The following UNC79 variants were observed in gnomAD, a reference collection of about 807,000 sequenced individuals.
UNC79 encodes the protein unc-79 subunit of NALCN channel complex.
UNC79 carries 37 observed loss-of-function variants against 283.1 expected under a neutral mutation model. The observed-to-expected ratio is 0.13, with a 90% CI of 0.10 to 0.17. The LOEUF (loss-of-function observed/expected upper bound fraction) is 0.17. Ranked by LOEUF, UNC79 falls within the 10% of genes least tolerant of loss-of-function variation. The pLI, the probability that UNC79 is intolerant of heterozygous loss-of-function variation, is 1.00. For missense variants in UNC79, 2,272 were observed against 3,211.1 expected, an observed-to-expected ratio of 0.71 and a Z score of 7.07; for synonymous variants, 1,107 against 1,200.2, an observed-to-expected ratio of 0.92 and a Z score of 1.61.
rs1267945208 is a variant in UNC79 at position 93,688,836 on chromosome 14, C to G, written c.7081C>G (p.Gln2361Glu). 5 of 1,613,544 alleles carry G rather than the reference C, an allele frequency of 3.1e-6. No homozygotes were observed. Among genetic ancestry groups the G allele is most frequent in the Non-Finnish European group, 4.2e-6 (5 of 1,179,762 alleles). The change falls in exon 44 of 49, where the codon CAA (glutamine) becomes GAA (glutamate). Residue 2361 changes from glutamine (Q) to glutamate (E), a missense_variant. Physicochemically the swap from Gln to Glu is conservative, Grantham distance 29. This residue lies in a region of UNC79 where 225 missense variants were observed against 334.2 expected (regional missense o/e 0.67). Coordinates refer to ENST00000555664, the Ensembl canonical transcript of UNC79. The surrounding 1 kb of genome is among the most constrained non-coding windows in gnomAD (Gnocchi z 4.0). Reference sequence around the variant, plus strand: ...TTATCATCCCCCCTCTGCAATGCAGCAAGGGTAAGACCCTTACTATTCCGG... The same window carrying G: ...TTATCATCCCCCCTCTGCAATGCAGGAAGGGTAAGACCCTTACTATTCCGG...
At chr14:93,641,691 G>A (rs1386401656) in intron 33 of UNC79, among the ~76,000 whole-genome samples, 1 of 152,142 alleles carries the variant, frequency 6.6e-6, no homozygotes, top group East Asian at 1.9e-4. Context: ...AAGATTTCAA[G>A]TTTAGAGAAA....
chr14:93,605,955 G>A (rs1376310132), intron 26 of UNC79, among the ~76,000 whole-genome samples: 2 of 152,088 alleles, frequency 1.3e-5, no homozygotes, highest in Non-Finnish European at 2.9e-5. Context: ...GCTCATGTAC[G>A]CTACTGTGCT....
At chr14:93,356,537 A>G (rs896473802) in intron 1 of UNC79, among the ~76,000 whole-genome samples, 1 of 152,136 alleles carries the variant, frequency 6.6e-6, no homozygotes, top group Non-Finnish European at 1.5e-5. Flanking sequence ...TGATCTCTGT[A>G]TTTCACCAGT....
At chr14:93,559,898 C>T (rs2141412143) in intron 14 of UNC79, among the ~76,000 whole-genome samples, 1 of 151,894 alleles carries the variant, frequency 6.6e-6, no homozygotes, top group Middle Eastern at 3.4e-3. Context: ...AGTGTTGGGA[C>T]AGGGAAAATT....
intron 1 of UNC79, among the ~76,000 whole-genome samples, chr14:93,349,715 C>T (rs1285848305): frequency 6.6e-6 from 1 of 152,170 alleles, no homozygotes; most frequent in Non-Finnish European, 1.5e-5. Flanking sequence ...TGTTTTCTCA[C>T]ACCAATTATT....
chr14:93,504,767 T>A, intron 7 of UNC79, among the ~76,000 whole-genome samples: 1 of 152,048 alleles, frequency 6.6e-6, no homozygotes, highest in East Asian at 1.9e-4. Context: ...GCTTAAAAAT[T>A]ACTTTAATAT....
At chr14:93,461,416 A>T (rs1041507684) in intron 1 of UNC79, among the ~76,000 whole-genome samples, 1 of 152,218 alleles carries the variant, frequency 6.6e-6, no homozygotes, top group African/African-American at 2.4e-5. Flanking sequence ...AAAAAGTAGC[A>T]AAGCTCCCAA....
intron 1 of UNC79, among the ~76,000 whole-genome samples, chr14:93,398,334 G>A (rs1380363659): frequency 6.6e-6 from 1 of 152,152 alleles, no homozygotes; most frequent in African/African-American, 2.4e-5. Flanking sequence ...GTTGAAGTAA[G>A]GCATTCAGGA....
rs189782155 is a variant in UNC79, at chr14:93,488,125, C to T, written c.712+370C>T. On this transcript the variant is annotated intron_variant, in intron 5 of 48. Transcript: ENST00000555664. ...ACACCCAAGTATCCTTAAACATAAACCTTTCACTATATTTCTGATTATTTC... is the reference window on the plus strand; with the variant it reads ...ACACCCAAGTATCCTTAAACATAAATCTTTCACTATATTTCTGATTATTTC... Among the ~76,000 whole-genome samples, 563 of 152,296 alleles carry T rather than the reference C, an allele frequency of 3.7e-3. 4 individuals are homozygous for T. Among genetic ancestry groups the T allele is most frequent in the Non-Finnish European group, 6.0e-3 (405 of 68,022 alleles).
chr14:93,430,680 C>T lies in UNC79; in HGVS notation c.-350C>T, dbSNP rs988463111. On this transcript the variant is annotated 5_prime_UTR_variant, in exon 1 of 49. Transcript: ENST00000555664. The surrounding 1 kb of genome is among the most constrained non-coding windows in gnomAD (Gnocchi z 4.6). ...CTTATGAATGGAAATACTCCTCCCC[C>T]GGTCGAGCCCATTTTCCCATTTCAC... is the stretch of plus-strand genomic sequence containing the variant. 1.3e-5 allele frequency: 3 copies of T among 229,872 alleles called. No individual in the cohort carries two copies. The highest frequency in any genetic ancestry group is 9.7e-5 in the Admixed American group (2 of 20,530). The allele number at this position is 229,872 out of a possible 1,614,324, so 14.2% of individuals were successfully genotyped here. A position where few individuals can be genotyped will look rare whatever the true frequency, so the allele number is the denominator to read the frequency against.
At chr14:93,458,537 A>G (rs1285241814) in intron 1 of UNC79, among the ~76,000 whole-genome samples, 2 of 152,220 alleles carry the variant, frequency 1.3e-5, no homozygotes, top group Non-Finnish European at 2.9e-5. Context: ...GATAATGAAG[A>G]ACCTATAAAA....
intron 47 of UNC79, among the ~76,000 whole-genome samples, chr14:93,696,368 C>T (rs1382778886): frequency 2.0e-5 from 3 of 152,114 alleles, no homozygotes; most frequent in African/African-American, 7.2e-5. Context: ...TGTATATTTA[C>T]CTTTAAAAAA....
At chr14:93,471,196 T>A (rs1419730962) in intron 2 of UNC79, among the ~76,000 whole-genome samples, 1 of 152,212 alleles carries the variant, frequency 6.6e-6, no homozygotes, top group Non-Finnish European at 1.5e-5. Flanking sequence ...ATTGGTTAAG[T>A]CATGGAGTAA....
Position 93,634,611 on chromosome 14 carries a change from C to G in UNC79, c.5717-2605C>G. 3.1e-6 allele frequency: 5 copies of G among 1,613,936 alleles called. No individual in the cohort carries two copies. The South Asian group carries it at 5.5e-5, about 18-fold the overall frequency. Reference sequence around the variant, plus strand: ...CAGCTGGAGCATCAGTCTAGCGCCCCCCATAACATCAGCAACTGGGACACT... The same window carrying G: ...CAGCTGGAGCATCAGTCTAGCGCCCGCCATAACATCAGCAACTGGGACACT... On this transcript the variant is annotated intron_variant, in intron 31 of 48. Coordinates refer to ENST00000555664, the Ensembl canonical transcript of UNC79.
intron 39 of UNC79, among the ~76,000 whole-genome samples, chr14:93,660,169 C>T (rs11160134): frequency 0.59 from 89,984 of 151,908 alleles, 27,560 homozygotes; most frequent in Non-Finnish European, 0.67. Context: ...CAACAATGTA[C>T]GTATTCTGCA....
intron 22 of UNC79, among the ~76,000 whole-genome samples, chr14:93,590,027 G>A (rs1243395688): frequency 1.1e-4 from 16 of 152,088 alleles, no homozygotes; most frequent in Admixed American, 1.0e-3. Flanking sequence ...ATGGCTGCTG[G>A]CAATTGTTGG....
chr14:93,643,550 T>C lies in UNC79; in HGVS notation c.5904-7T>C. 3 of 1,613,884 alleles carry C rather than the reference T, an allele frequency of 1.9e-6. No homozygotes were observed. The highest frequency in any genetic ancestry group is 1.1e-5 in the South Asian group (1 of 91,070). ...TCATGGAAAGCATGTCTCTCTTTTC[T>C]TTGCAGATGCCATGACTGTGGGGCC... On this transcript the variant is annotated splice_region_variant and splice_polypyrimidine_tract_variant and intron_variant, in intron 33 of 48. Transcript: ENST00000555664.
chr14:93,407,739 T>C (rs1319678463), intron 1 of UNC79, among the ~76,000 whole-genome samples: 1 of 151,948 alleles, frequency 6.6e-6, no homozygotes, highest in Non-Finnish European at 1.5e-5. Flanking sequence ...AAACTGGAGA[T>C]TTAATTATAA....
chr14:93,453,003 A>G (rs1002001409), intron 1 of UNC79, among the ~76,000 whole-genome samples: 2 of 152,200 alleles, frequency 1.3e-5, no homozygotes, highest in Non-Finnish European at 2.9e-5. Flanking sequence ...GTATGTTCTG[A>G]ATCAAAGTAC....
Sources: gnomAD v4.1 joint callset for allele counts (sites outside exome capture counted in the v4.1 genomes callset) on GRCh38, gnomAD v4.1.1 for gene constraint, gnomAD v4.1.1 regional missense constraint, Gnocchi (gnomAD v3.1) non-coding constraint, MANE v1.5 for transcripts, NCBI Gene and HGNC (gene_info 2026-07-23, HGNC 2026-07-21) for gene names.